AKT3: variants seen among roughly 807,000 people sequenced by gnomAD.
AKT3 encodes AKT serine/threonine kinase 3.
Under a neutral mutation model 65.3 loss-of-function variants are expected in AKT3, and 15 were observed. The observed-to-expected ratio is 0.23, with a 90% CI of 0.15 to 0.35. AKT3 has a LOEUF of 0.35. Among genes scored for constraint, AKT3 ranks in the 10% least tolerant of loss-of-function variants. The pLI is 1.00. For synonymous variants in AKT3, 206 were observed against 183.8 expected, an observed-to-expected ratio of 1.12 and a Z score of -0.98; for missense variants, 243 against 576.5, an observed-to-expected ratio of 0.42 and a Z score of 5.92.
intron 2 of AKT3, among the ~76,000 whole-genome samples, chr1:243,744,553 A>C (rs1183869057): frequency 1.3e-5 from 2 of 151,624 alleles, no homozygotes; most frequent in South Asian, 2.1e-4. Flanking sequence ...TCCCGGCTAA[A>C]ACGGTGAAAC....
chr1:243,784,788 T>TC (rs1277311003), intron 2 of AKT3, among the ~76,000 whole-genome samples: 1 of 151,944 alleles, frequency 6.6e-6, no homozygotes, highest in African/African-American at 2.4e-5. Context: ...CCTCCTGTGC[T>TC]CCCCCTCCCA....
At chr1:243,624,363 T>C (rs1678992545) in intron 6 of AKT3, among the ~76,000 whole-genome samples, 1 of 152,218 alleles carries the variant, frequency 6.6e-6, no homozygotes, top group African/African-American at 2.4e-5. Flanking sequence ...AATCCACTGG[T>C]AACGTGTACT....
chr1:243,575,898 T>C (rs567958360), intron 8 of AKT3, among the ~76,000 whole-genome samples: 1 of 151,982 alleles, frequency 6.6e-6, no homozygotes, highest in Admixed American at 6.6e-5. Context: ...AGAAAACACA[T>C]GTAGGGAACA....
intron 2 of AKT3, among the ~76,000 whole-genome samples, chr1:243,724,940 C>CA (rs1687118381): frequency 6.6e-6 from 1 of 151,874 alleles, no homozygotes; most frequent in African/African-American, 2.4e-5. Flanking sequence ...CAGTGGCTCA[C>CA]ACCTATAATC....
At chr1:243,658,692 G>A (rs750195159) in intron 4 of AKT3, among the ~76,000 whole-genome samples, 74 of 151,724 alleles carry the variant, frequency 4.9e-4, no homozygotes, top group Admixed American at 5.3e-4. Context: ...TGCACTATTC[G>A]CAATAGCCAA....
Position 243,510,500 on chromosome 1 carries a change from T to A in AKT3, c.1354+1824A>T, listed in dbSNP as rs74153907. ...GACTGATGCTCTTCAGACTAGGAGGTCAAAGAAGGTTCTCTGATGGAATGA... is the reference window on the plus strand; with the variant it reads ...GACTGATGCTCTTCAGACTAGGAGGACAAAGAAGGTTCTCTGATGGAATGA... On this transcript the variant is annotated intron_variant, in intron 13 of 13. Transcript: ENST00000673466. Among the ~76,000 whole-genome samples, 1,155 of 151,508 alleles carry A rather than the reference T, an allele frequency of 7.6e-3. 11 individuals carry two copies. Among genetic ancestry groups the A allele is most frequent in the African/African-American group, 0.027 (1,094 of 41,268 alleles).
At chr1:243,573,246 G>A (rs138390367) in intron 8 of AKT3, among the ~76,000 whole-genome samples, 198 bp from the exon 9 acceptor site, 4 of 152,176 alleles carry the variant, frequency 2.6e-5, no homozygotes, top group Admixed American at 6.5e-5. Context: ...TTAAATCAGC[G>A]TTTTAATCAA....
chr1:243,839,179 T>G (rs1695080674), intron 2 of AKT3, among the ~76,000 whole-genome samples: 1 of 152,142 alleles, frequency 6.6e-6, no homozygotes, highest in Admixed American at 6.5e-5. Context: ...ATTCTATAAT[T>G]TAGACCTTTT....
chr1:243,837,557 A>AT (rs1163352974), intron 2 of AKT3, among the ~76,000 whole-genome samples: 1 of 152,182 alleles, frequency 6.6e-6, no homozygotes, highest in African/African-American at 2.4e-5. Context: ...TTGGTAATAT[A>AT]TTTTTTTAAA....
At chr1:243,648,271 GAAAAGAAAAGA>G (rs1681000603) in intron 4 of AKT3, among the ~76,000 whole-genome samples, 1 of 146,628 alleles carries the variant, frequency 6.8e-6, no homozygotes, top group Admixed American at 6.7e-5. Flanking sequence ...AAAAAAAAAA[GAAAAGAAAAGA>G]AAAAGAAAAT....
intron 2 of AKT3, among the ~76,000 whole-genome samples, chr1:243,707,885 C>A (rs1436480218): frequency 6.6e-6 from 1 of 152,034 alleles, no homozygotes; most frequent in Non-Finnish European, 1.5e-5. Context: ...TACATAGCCA[C>A]TGCATATACA....
intron 1 of AKT3, among the ~76,000 whole-genome samples, chr1:243,849,386 A>ACCCCCC (rs57424400): frequency 0.015 from 1,554 of 107,156 alleles, no homozygotes; most frequent in African/African-American, 0.025. Context: ...CCACACACAC[A>ACCCCCC]CCCCCCCCCC....
At chr1:243,843,029 A>G (rs1267965457) in intron 2 of AKT3, 96 bp downstream of exon 2, 4 of 1,240,840 alleles carry the variant, frequency 3.2e-6, no homozygotes, top group Non-Finnish European at 4.6e-6. Flanking sequence ...AGCATGACAC[A>G]GTTTAACAGT....
chr1:243,759,903 T>TA (rs1160782809), intron 2 of AKT3, among the ~76,000 whole-genome samples: 5 of 152,194 alleles, frequency 3.3e-5, no homozygotes, highest in African/African-American at 1.2e-4. Context: ...AGGACTCTGA[T>TA]AAGTCAATTG....
chr1:243,520,002 T>C (rs1670610548), intron 12 of AKT3, among the ~76,000 whole-genome samples: 1 of 152,202 alleles, frequency 6.6e-6, no homozygotes, highest in Non-Finnish European at 1.5e-5. Context: ...CATGAACTTT[T>C]TGAAGTCCCC....
chr1:243,612,082 A>C (rs1013829708), intron 8 of AKT3, among the ~76,000 whole-genome samples: 1 of 152,128 alleles, frequency 6.6e-6, no homozygotes, highest in African/African-American at 2.4e-5. Flanking sequence ...GTGTTTACCA[A>C]ATTAATGAAT....
intron 2 of AKT3, among the ~76,000 whole-genome samples, chr1:243,805,746 C>T (rs1442656415): frequency 1.3e-5 from 2 of 152,168 alleles, no homozygotes; most frequent in East Asian, 3.9e-4. Flanking sequence ...TGCTGTTGGA[C>T]TTCTCTAAAG....
chr1:243,590,895 A>G (rs1323394120), intron 8 of AKT3, among the ~76,000 whole-genome samples: 3 of 152,216 alleles, frequency 2.0e-5, no homozygotes, highest in African/African-American at 7.2e-5. Flanking sequence ...GCACAGATCT[A>G]CAGTTGCCCA....
At chr1:243,696,168 A>T (rs1487094759) in intron 2 of AKT3, among the ~76,000 whole-genome samples, 1 of 151,912 alleles carries the variant, frequency 6.6e-6, no homozygotes, top group Non-Finnish European at 1.5e-5. Context: ...AAAAAGAAAG[A>T]AAAAAGTCTA....
Sources: allele counts gnomAD v4.1 joint callset (sites outside exome capture counted in the v4.1 genomes callset), GRCh38; gene constraint gnomAD v4.1.1; transcripts MANE v1.5; gene names NCBI Gene and HGNC (gene_info 2026-07-23, HGNC 2026-07-21).